The following SLC4A10 variants were observed in gnomAD, a reference collection of about 807,000 sequenced individuals.
The protein encoded by SLC4A10 is sodium-driven chloride bicarbonate exchanger.
Under a neutral mutation model 137.7 loss-of-function variants are expected in SLC4A10, and 42 were observed. The ratio of observed to expected loss-of-function variants is 0.30; its 90% confidence interval spans 0.24 to 0.39. SLC4A10 has a LOEUF of 0.39. Among genes scored for constraint, SLC4A10 ranks in the 10% least tolerant of loss-of-function variants. The pLI, the probability that SLC4A10 is intolerant of heterozygous loss-of-function variation, is 1.00. For synonymous variants in SLC4A10, 474 were observed against 464.1 expected (o/e 1.02, Z -0.27); for missense variants, 925 against 1,355.0 (o/e 0.68, Z 4.98).
At chr2:161,816,611 C>CT (rs1439600910) in intron 3 of SLC4A10, among the ~76,000 whole-genome samples, 2 of 151,412 alleles carry the variant, frequency 1.3e-5, no homozygotes, top group East Asian at 3.9e-4. Context: ...GTATATCTCC[C>CT]AATGCTATCC....
At position 161,905,770 on chromosome 2, in the gene SLC4A10, C is replaced by G; in HGVS notation, c.1880C>G (p.Ala627Gly). ...TACATCACTCGGTTTACTGAAGAAGCTTTTGCTTCCCTGATTTGCATCATT... is the reference window on the plus strand; with the variant it reads ...TACATCACTCGGTTTACTGAAGAAGGTTTTGCTTCCCTGATTTGCATCATT... ...VCYITRFTEE[A>G]FASLICIIFI... Residue 627 changes from alanine (A) to glycine (G), a missense_variant, in exon 15 of 27, where the codon GCT becomes GGT. Coordinates refer to ENST00000446997, the MANE Select transcript of SLC4A10 (RefSeq NM_001178015.2). 2 of 1,613,978 alleles carry G rather than the reference C, an allele frequency of 1.2e-6. No homozygotes were observed. Among genetic ancestry groups the G allele is most frequent in the Non-Finnish European group, 1.7e-6 (2 of 1,179,890 alleles).
intron 1 of SLC4A10, among the ~76,000 whole-genome samples, chr2:161,740,002 G>A (rs1175051702): frequency 2.6e-5 from 4 of 152,188 alleles, no homozygotes; most frequent in Non-Finnish European, 4.4e-5. Context: ...CCTCTTGCCT[G>A]AGTGTATGAC....
intron 4 of SLC4A10, among the ~76,000 whole-genome samples, chr2:161,844,498 TG>T (rs1466733151): frequency 3.9e-5 from 6 of 152,296 alleles, no homozygotes; most frequent in East Asian, 1.9e-4. Flanking sequence ...TAAAAGAGGA[TG>T]TTTTTTTCTT....
chr2:161,671,532 A>G (rs188835425), intron 1 of SLC4A10, among the ~76,000 whole-genome samples: 85 of 152,244 alleles, frequency 5.6e-4, no homozygotes, highest in African/African-American at 1.9e-3. Context: ...GGACTATTAG[A>G]AGGGAAGAGA....
At chr2:161,756,855 A>G (rs1303497071) in intron 1 of SLC4A10, among the ~76,000 whole-genome samples, 1 of 152,204 alleles carries the variant, frequency 6.6e-6, no homozygotes, top group Admixed American at 6.5e-5. Flanking sequence ...TCTTATAGAC[A>G]TCAATTAGGG....
intron 2 of SLC4A10, among the ~76,000 whole-genome samples, chr2:161,772,208 A>G (rs1323043478): frequency 6.6e-6 from 1 of 151,904 alleles, no homozygotes; most frequent in African/African-American, 2.4e-5. Context: ...AAAACCTTGA[A>G]AAATCTAGAC....
intron 1 of SLC4A10, among the ~76,000 whole-genome samples, chr2:161,632,761 T>TA (rs1488159352): frequency 1.3e-5 from 2 of 151,454 alleles, no homozygotes; most frequent in South Asian, 2.1e-4. Flanking sequence ...AACCAGCATT[T>TA]AAAAAAACCT....
chr2:161,712,434 C>A (rs2044391628), intron 1 of SLC4A10, among the ~76,000 whole-genome samples: 1 of 151,510 alleles, frequency 6.6e-6, no homozygotes, highest in African/African-American at 2.4e-5. Flanking sequence ...ATAATAGGGG[C>A]AAATTTACCT....
At chr2:161,673,008 C>T (rs979985143) in intron 1 of SLC4A10, among the ~76,000 whole-genome samples, 4 of 152,158 alleles carry the variant, frequency 2.6e-5, no homozygotes, top group African/African-American at 7.2e-5. Flanking sequence ...CAGGCTAATG[C>T]GTGTATCACG....
intron 3 of SLC4A10, among the ~76,000 whole-genome samples, chr2:161,815,283 G>T (rs1208393603): frequency 6.6e-6 from 1 of 152,056 alleles, no homozygotes; most frequent in African/African-American, 2.4e-5. Flanking sequence ...TTGGATTTTG[G>T]GGGCGGTTTC....
At chr2:161,731,757 A>G (rs1278088393) in intron 1 of SLC4A10, among the ~76,000 whole-genome samples, 2 of 152,162 alleles carry the variant, frequency 1.3e-5, no homozygotes, top group Non-Finnish European at 2.9e-5. Context: ...AGCTTAACCC[A>G]TGAGATTATA....
At chr2:161,698,197 G>A (rs1284977466) in intron 1 of SLC4A10, among the ~76,000 whole-genome samples, 1 of 152,224 alleles carries the variant, frequency 6.6e-6, no homozygotes. Context: ...CCAGCTTAAG[G>A]AGATTTTGGG....
intron 1 of SLC4A10, among the ~76,000 whole-genome samples, chr2:161,752,579 C>A (rs1042347341): frequency 6.6e-6 from 1 of 151,760 alleles, no homozygotes; most frequent in Admixed American, 6.6e-5. Context: ...TTCATAATAG[C>A]CAGGATATAA....
intron 1 of SLC4A10, among the ~76,000 whole-genome samples, chr2:161,729,424 G>A (rs1317594019): frequency 1.3e-5 from 2 of 152,082 alleles, no homozygotes; most frequent in Non-Finnish European, 2.9e-5. Context: ...GGAATTTTTT[G>A]AGGTGATAGA....
At chr2:161,786,345 C>A (rs1042656303) in intron 2 of SLC4A10, among the ~76,000 whole-genome samples, 2 of 151,788 alleles carry the variant, frequency 1.3e-5, no homozygotes, top group African/African-American at 4.8e-5. Context: ...TTGTAGTCAG[C>A]AGATGTTGAG....
Position 161,758,391 on chromosome 2 carries a change from A to G in SLC4A10, c.49-12582A>G, listed in dbSNP as rs191889142. Among the ~76,000 whole-genome samples the G allele has an allele frequency of 5.7e-4, 86 of 151,928 alleles. 1 individual carries two copies. In the Middle Eastern group the frequency reaches 0.014, roughly 24 times the overall value. On this transcript the variant is annotated intron_variant, in intron 1 of 26. Coordinates refer to ENST00000446997, the MANE Select transcript of SLC4A10 (RefSeq NM_001178015.2). The stretch of plus-strand genomic sequence containing the variant: ...AAGTTCATCTCCTCATGTTTTATTT[A>G]TCTCCCTCCTTATATAAAAAAATCT...
rs75732992 is a variant in SLC4A10 at position 161,761,591 on chromosome 2, A to C, written c.49-9382A>C. ...TAAAAACAAGCAAACCAGCAGGCAA[A>C]AATGCAGGTTTCGCTACCCTTTAAA... On this transcript the variant is annotated intron_variant, in intron 1 of 26. Transcript: ENST00000446997. Among the ~76,000 whole-genome samples the C allele has an allele frequency of 3.6e-4, 55 of 152,194 alleles. No individual in the cohort carries two copies. The East Asian group carries it at 9.1e-3, about 25-fold the overall frequency.
At chr2:161,834,324 C>A (rs2058625947) in intron 3 of SLC4A10, among the ~76,000 whole-genome samples, 1 of 152,026 alleles carries the variant, frequency 6.6e-6, no homozygotes, top group Non-Finnish European at 1.5e-5. Context: ...TATAAAAATG[C>A]CCTTTTCTCC....
At position 161,983,744 on chromosome 2, in the gene SLC4A10, A is replaced by T. The variant is rs987230159; in HGVS notation, c.*592A>T. 3.3e-5 allele frequency: 5 copies of T among 152,388 alleles called. No individual in the cohort carries two copies. Among genetic ancestry groups the T allele is most frequent in the Admixed American group, 3.3e-4 (5 of 15,278 alleles). 9.4% of individuals were successfully genotyped at this position (152,388 alleles called of 1,614,324 possible). A position where few individuals can be genotyped will look rare whatever the true frequency, so the allele number is the denominator to read the frequency against. On this transcript the variant is annotated 3_prime_UTR_variant, in exon 27 of 27. Coordinates refer to ENST00000446997, the MANE Select transcript of SLC4A10 (RefSeq NM_001178015.2). ...TGTATTTATGCATTTCCTTGATTTA[A>T]TATGATAAATTTAATACTTAACAAT...
Sources: gnomAD v4.1 joint callset for allele counts (sites outside exome capture counted in the v4.1 genomes callset) on GRCh38, gnomAD v4.1.1 for gene constraint, MANE v1.5 for transcripts, NCBI Gene and HGNC (gene_info 2026-07-23, HGNC 2026-07-21) for gene names.